The following MAML2 variants were observed in gnomAD, a reference collection of about 807,000 sequenced individuals.
MAML2 encodes mastermind-like protein 2.
MAML2 carries 22 observed loss-of-function variants against 96.1 expected under a neutral mutation model. That is an observed-to-expected ratio of 0.23 (90% CI 0.16 to 0.33). The LOEUF is 0.33. Ranked by LOEUF, MAML2 falls within the 10% of genes least tolerant of loss-of-function variation. MAML2 has a pLI of 1.00. For missense variants in MAML2, 1,367 were observed against 1,392.4 expected (o/e 0.98, Z 0.29); for synonymous variants, 561 against 521.3 (o/e 1.08, Z -1.04).
At chr11:96,281,421 G>A (rs1245539367) in intron 1 of MAML2, among the ~76,000 whole-genome samples, 1 of 152,086 alleles carries the variant, frequency 6.6e-6, no homozygotes, top group African/African-American at 2.4e-5. Flanking sequence ...GTGTGGGGAA[G>A]CAAGCAGGAA....
At chr11:96,283,606 C>A (rs1488463746) in intron 1 of MAML2, among the ~76,000 whole-genome samples, 2 of 152,088 alleles carry the variant, frequency 1.3e-5, no homozygotes, top group Non-Finnish European at 2.9e-5. Context: ...GTATCTGGGG[C>A]CTACAATTTA....
rs1407507201 is a variant in MAML2 at position 96,027,474 on chromosome 11, C to A, written c.2140-35751G>T. On this transcript the variant is annotated intron_variant, in intron 2 of 4. Coordinates refer to ENST00000524717, the MANE Select transcript of MAML2 (RefSeq NM_032427.4). ...ATTCTCTCCTTTATACTGTTTCTGA[C>A]CTTAAGGAACTCAGAGTTGAGCATG... Among the ~76,000 whole-genome samples, 3 of 152,072 alleles carry A rather than the reference C, an allele frequency of 2.0e-5. 1 individual carries two copies. The highest frequency in any genetic ancestry group is 2.9e-5 in the Non-Finnish European group (2 of 68,032).
intron 1 of MAML2, among the ~76,000 whole-genome samples, chr11:96,165,502 AAAT>A (rs1861176731): frequency 6.6e-6 from 1 of 152,316 alleles, no homozygotes; most frequent in South Asian, 2.1e-4. Flanking sequence ...TTTCAGTTAT[AAAT>A]AATACTGTAA....
chr11:96,251,993 A>C (rs1862588146), intron 1 of MAML2, among the ~76,000 whole-genome samples: 1 of 152,080 alleles, frequency 6.6e-6, no homozygotes, highest in Non-Finnish European at 1.5e-5. Flanking sequence ...CAGCCTCCCA[A>C]AGTGCTGGGA....
chr11:95,988,656 C>G (rs1009091598), intron 3 of MAML2, among the ~76,000 whole-genome samples: 4 of 150,660 alleles, frequency 2.7e-5, no homozygotes, highest in Admixed American at 6.6e-5. Context: ...TCACAAATGA[C>G]TTAGATTAAT....
At chr11:96,164,936 G>A (rs1042147366) in intron 1 of MAML2, among the ~76,000 whole-genome samples, 1 of 152,048 alleles carries the variant, frequency 6.6e-6, no homozygotes, top group Non-Finnish European at 1.5e-5. Context: ...TGTCTTAGTG[G>A]CCAGAACTTT....
rs1862758832 is a variant in MAML2, at chr11:96,262,164, A to C, written c.513+79219T>G. ...CATGTACTAAAGTTCGAGGACCACTAATCTGGAAATAGGTGTCACTGAGAC... is the reference window on the plus strand; with the variant it reads ...CATGTACTAAAGTTCGAGGACCACTCATCTGGAAATAGGTGTCACTGAGAC... On this transcript the variant is annotated intron_variant, in intron 1 of 4. Coordinates refer to ENST00000524717, the MANE Select transcript of MAML2 (RefSeq NM_032427.4). Among the ~76,000 whole-genome samples, 4 of 152,216 alleles carry C rather than the reference A, an allele frequency of 2.6e-5. No individual in the cohort carries two copies. In the South Asian group the frequency reaches 8.3e-4, roughly 31 times the overall value.
chr11:96,164,036 G>GT (rs58205345), intron 1 of MAML2, among the ~76,000 whole-genome samples: 1,995 of 148,340 alleles, frequency 0.013, 28 homozygotes, highest in African/African-American at 0.041. Context: ...ATTTTTTTTT[G>GT]TTTTTTTTTG....
intron 1 of MAML2, among the ~76,000 whole-genome samples, chr11:96,311,411 G>A (rs530062573): frequency 1.3e-5 from 2 of 152,172 alleles, no homozygotes; most frequent in African/African-American, 4.8e-5. Flanking sequence ...TGTGATTCTG[G>A]AATATCTCCA....
intron 2 of MAML2, among the ~76,000 whole-genome samples, chr11:95,999,637 T>C (rs1858050649): frequency 6.6e-6 from 1 of 151,628 alleles, no homozygotes; most frequent in Non-Finnish European, 1.5e-5. Context: ...GTAAAATAGC[T>C]CTCTGTTCCT....
intron 1 of MAML2, 112 bp from the exon 2 acceptor site, chr11:96,093,629 A>C: frequency 1.2e-6 from 1 of 834,120 alleles, no homozygotes; most frequent in East Asian, 2.6e-5. Context: ...CACAAGATTC[A>C]GTTTTTTAAA....
At chr11:96,027,100 C>A (rs1350238984) in intron 2 of MAML2, among the ~76,000 whole-genome samples, 1 of 152,094 alleles carries the variant, frequency 6.6e-6, no homozygotes, top group East Asian at 1.9e-4. Flanking sequence ...GTGACAATGC[C>A]CAGGATTGAG....
intron 1 of MAML2, among the ~76,000 whole-genome samples, chr11:96,275,565 G>A (rs1000652417): frequency 1.3e-4 from 20 of 151,994 alleles, no homozygotes; most frequent in African/African-American, 4.8e-4. Flanking sequence ...CACCACACCC[G>A]GCCAGAATTT....
intron 1 of MAML2, among the ~76,000 whole-genome samples, chr11:96,164,203 G>T (rs760861587): frequency 6.6e-6 from 1 of 152,062 alleles, no homozygotes. Flanking sequence ...AATCCAAGCT[G>T]CAGGAAACAG....
At chr11:96,160,643 G>T (rs1442928055) in intron 1 of MAML2, among the ~76,000 whole-genome samples, 1 of 152,118 alleles carries the variant, frequency 6.6e-6, no homozygotes, top group East Asian at 1.9e-4. Context: ...GGCCAGGCTG[G>T]TCTCGAACTC....
At chr11:96,029,209 T>A (rs147156782) in intron 2 of MAML2, among the ~76,000 whole-genome samples, 4 of 151,886 alleles carry the variant, frequency 2.6e-5, no homozygotes, top group Non-Finnish European at 4.4e-5. Flanking sequence ...AAAAAAAACT[T>A]TGTTGAAGGA....
chr11:96,277,536 G>A (rs1462659960), intron 1 of MAML2, among the ~76,000 whole-genome samples: 2 of 152,012 alleles, frequency 1.3e-5, no homozygotes, highest in Non-Finnish European at 1.5e-5. Context: ...TGGATCACCT[G>A]AGATCAGGAG....
chr11:96,242,176 G>A (rs1303169316), intron 1 of MAML2, among the ~76,000 whole-genome samples: 1 of 152,042 alleles, frequency 6.6e-6, no homozygotes, highest in Admixed American at 6.6e-5. Context: ...TCTGTTGCTT[G>A]GTTTAAAATT....
intron 1 of MAML2, among the ~76,000 whole-genome samples, chr11:96,198,159 C>G (rs1861758481): frequency 6.6e-6 from 1 of 152,098 alleles, no homozygotes; most frequent in South Asian, 2.1e-4. Flanking sequence ...AAGACTAGAG[C>G]CAGGAAGACA....
Sources: allele counts gnomAD v4.1 joint callset (sites outside exome capture counted in the v4.1 genomes callset), GRCh38; gene constraint gnomAD v4.1.1; transcripts MANE v1.5; gene names NCBI Gene and HGNC (gene_info 2026-07-23, HGNC 2026-07-21).